ANKRD36C: variants seen among roughly 807,000 people sequenced by gnomAD.
ANKRD36C encodes the protein ankyrin repeat domain 36C, also known as ankyrin repeat domain-containing protein 36C.
A neutral mutation model predicts 276.4 loss-of-function variants in ANKRD36C; 61 were observed. The observed-to-expected ratio is 0.22, with a 90% CI of 0.18 to 0.27. The LOEUF (loss-of-function observed/expected upper bound fraction) is 0.27. Among genes scored for constraint, ANKRD36C ranks in the 10% least tolerant of loss-of-function variants. ANKRD36C has a pLI of 1.00. For missense variants in ANKRD36C, 1,447 were observed against 2,032.3 expected (o/e 0.71, Z 5.54); for synonymous variants, 483 against 680.1 (o/e 0.71, Z 4.51).
chr2:95,933,652 T>G (rs1173428174), intron 24 of ANKRD36C, among the ~76,000 whole-genome samples: 4 of 152,176 alleles, frequency 2.6e-5, no homozygotes, highest in African/African-American at 9.7e-5. Flanking sequence ...CTGATGTTGC[T>G]TATCAGCTGA....
intron 36 of ANKRD36C, among the ~76,000 whole-genome samples, chr2:95,917,030 G>T (rs564878584): frequency 6.6e-6 from 1 of 151,758 alleles, no homozygotes; most frequent in East Asian, 2.0e-4. Flanking sequence ...CTTGTTGGGA[G>T]TATCAGGTTG....
chr2:95,893,752 C>G, intron 44 of ANKRD36C, 28 bp from the exon 63 acceptor site: 1 of 1,604,200 alleles, frequency 6.2e-7, no homozygotes. Context: ...TTCATAATCA[C>G]TCATATGTAA....
intron 6 of ANKRD36C, among the ~76,000 whole-genome samples, chr2:95,967,534 T>C (rs1678617065): frequency 6.6e-6 from 1 of 152,140 alleles, no homozygotes; most frequent in African/African-American, 2.4e-5. Flanking sequence ...TTTTACACTG[T>C]TGGTGGGAGT....
At chr2:95,870,783 A>G (rs749006231) in intron 59 of ANKRD36C, among the ~76,000 whole-genome samples, 1 of 152,176 alleles carries the variant, frequency 6.6e-6, no homozygotes, top group Non-Finnish European at 1.5e-5. Context: ...ATTTAGACGA[A>G]TGTATACCTA....
At chr2:95,915,081 T>A (rs1573762716) in intron 38 of ANKRD36C, among the ~76,000 whole-genome samples, 1 of 151,580 alleles carries the variant, frequency 6.6e-6, no homozygotes, top group East Asian at 2.0e-4. Context: ...CATTCAGAAA[T>A]CATTCCAGTA....
intron 59 of ANKRD36C, among the ~76,000 whole-genome samples, chr2:95,871,206 C>T (rs559923075): frequency 6.6e-6 from 1 of 152,078 alleles, no homozygotes; most frequent in Non-Finnish European, 1.5e-5. Context: ...CTCCAAGACA[C>T]ATAATTGTCA....
chr2:95,990,765 T>C (rs1679122360), intron 1 of ANKRD36C, among the ~76,000 whole-genome samples: 1 of 152,202 alleles, frequency 6.6e-6, no homozygotes, highest in Non-Finnish European at 1.5e-5. Flanking sequence ...TCCATTGATA[T>C]CAAATAAATA....
intron 19 of ANKRD36C, among the ~76,000 whole-genome samples, chr2:95,941,895 G>A (rs1438119766): frequency 1.3e-5 from 2 of 152,086 alleles, no homozygotes; most frequent in African/African-American, 4.8e-5. Flanking sequence ...TACGAGAAAT[G>A]GTTAAAGGTA....
At position 95,897,078 on chromosome 2, in the gene ANKRD36C, T is replaced by A. The variant is rs1214388624; in HGVS notation, c.2755+2067A>T. Among the ~76,000 whole-genome samples the A allele has an allele frequency of 2.0e-5, 3 of 150,156 alleles. 1 individual carries two copies. The highest frequency in any genetic ancestry group is 4.5e-5 in the Non-Finnish European group (3 of 67,130). On this transcript the variant is annotated intron_variant, in intron 44 of 66. Coordinates refer to ENST00000456556, the Ensembl canonical transcript of ANKRD36C. ...CCCAATTTCAATATGGGGAAGTGTA[T>A]AATCTTACGGCGAAGATCACGTTCC... is the stretch of plus-strand genomic sequence containing the variant.
intron 24 of ANKRD36C, among the ~76,000 whole-genome samples, chr2:95,930,586 C>G (rs1677538372): frequency 1.3e-5 from 2 of 151,196 alleles, no homozygotes. Flanking sequence ...TGAAAATAAA[C>G]TAAACAAAGT....
At chr2:95,892,116 G>C (rs1440994847) in intron 44 of ANKRD36C, among the ~76,000 whole-genome samples, 1 of 151,494 alleles carries the variant, frequency 6.6e-6, no homozygotes, top group Non-Finnish European at 1.5e-5. Context: ...ATAAAACCGT[G>C]TCAATATCAA....
At chr2:95,964,282 G>T (rs535282353) in intron 6 of ANKRD36C, among the ~76,000 whole-genome samples, 104 of 151,554 alleles carry the variant, frequency 6.9e-4, no homozygotes, top group Admixed American at 2.0e-3. Flanking sequence ...CTAGGGAGGA[G>T]AAATGAAACC....
intron 48 of ANKRD36C, among the ~76,000 whole-genome samples, chr2:95,888,769 C>T (rs1270577120): frequency 1.3e-5 from 2 of 151,610 alleles, no homozygotes; most frequent in African/African-American, 4.8e-5. Flanking sequence ...TCTTCATCCA[C>T]TCATGGCACC....
At chr2:95,896,458 C>T (rs1001224622) in intron 44 of ANKRD36C, among the ~76,000 whole-genome samples, 8 of 149,570 alleles carry the variant, frequency 5.3e-5, no homozygotes, top group African/African-American at 1.5e-4. Flanking sequence ...TTGGGAGTAT[C>T]GTGTTATTCT....
chr2:95,961,581 A>G (rs1195709798), intron 8 of ANKRD36C, among the ~76,000 whole-genome samples: 3 of 152,084 alleles, frequency 2.0e-5, no homozygotes, highest in East Asian at 1.9e-4. Context: ...TTGCTATTTT[A>G]TCCAAAAGTT....
At position 95,914,198 on chromosome 2, in the gene ANKRD36C, T is replaced by C. The variant is rs781307251; in HGVS notation, c.2479-18A>G. Reference sequence around the variant, plus strand: ...CTTGTAGCCTGAATGGAATTTGAAATGAAATAATAAGTTAATAAAGTATGT... The same window carrying C: ...CTTGTAGCCTGAATGGAATTTGAAACGAAATAATAAGTTAATAAAGTATGT... On this transcript the variant is annotated intron_variant, in intron 39 of 66. Coordinates refer to ENST00000456556, the Ensembl canonical transcript of ANKRD36C. 5.0e-5 allele frequency: 79 copies of C among 1,577,226 alleles called. No individual in the cohort carries two copies. The highest frequency in any genetic ancestry group is 6.8e-5 in the Non-Finnish European group (79 of 1,159,400).
chr2:95,963,995 ATATATATATATATATATATGTG>A (rs1262072403), intron 6 of ANKRD36C, among the ~76,000 whole-genome samples: 8,153 of 31,754 alleles, frequency 0.26, 671 homozygotes, highest in East Asian at 0.46. Context: ...ATATATATAT[ATATATATATATATATATATGTG>A]TGTGTGTGTC....
intron 66 of ANKRD36C, 30 bp from the exon 87 acceptor site, chr2:95,851,225 T>A: frequency 6.8e-7 from 1 of 1,471,604 alleles, no homozygotes; most frequent in Non-Finnish European, 9.3e-7. Context: ...ACTTATAATG[T>A]TTCAGTCAAA....
At chr2:95,963,805 C>G (rs1452651584) in intron 6 of ANKRD36C, among the ~76,000 whole-genome samples, 2 of 114,420 alleles carry the variant, frequency 1.7e-5, no homozygotes, top group Non-Finnish European at 3.5e-5. Context: ...TTTGCCATCT[C>G]TTTTTCCACT....
Sources: allele counts gnomAD v4.1 joint callset (sites outside exome capture counted in the v4.1 genomes callset), GRCh38; gene constraint gnomAD v4.1.1; transcripts MANE v1.5; gene names NCBI Gene and HGNC (gene_info 2026-07-23, HGNC 2026-07-21).